Variants in METAP2 observed in about 807,000 individuals in gnomAD.
METAP2 encodes methionyl aminopeptidase 2, also known as methionine aminopeptidase 2.
In METAP2, 25 loss-of-function variants were observed where a neutral mutation model predicts 59.4. The ratio of observed to expected loss-of-function variants is 0.42; its 90% CI spans 0.31 to 0.59. METAP2 has a LOEUF of 0.59. METAP2 is among the 20% of genes least tolerant of loss of function. The pLI is 0.16. For synonymous variants in METAP2, 214 were observed against 194.1 expected, an observed-to-expected ratio of 1.10 and a Z score of -0.85; for missense variants, 366 against 581.2, an observed-to-expected ratio of 0.63 and a Z score of 3.81.
At chr12:95,504,388 A>C (rs1027100559) in intron 8 of METAP2, among the ~76,000 whole-genome samples, 1 of 152,244 alleles carries the variant, frequency 6.6e-6, no homozygotes, top group Admixed American at 6.5e-5. Flanking sequence ...ATCCTAGGGC[A>C]GCCAAAATGT....
At chr12:95,506,936 T>C (rs66967159) in intron 8 of METAP2, among the ~76,000 whole-genome samples, 13,166 of 151,724 alleles carry the variant, frequency 0.087, 804 homozygotes, top group African/African-American at 0.17. Flanking sequence ...GTGTGTGTCA[T>C]CATGCTGGCT....
chr12:95,474,173 G>A lies in METAP2; in HGVS notation c.-7G>A. The stretch of plus-strand genomic sequence containing the variant: ...CTGTCTCATTCCCTCGCGCTCTCTC[G>A]GGCAACATGGCGGGTGTGGAGGAGG... On this transcript the variant is annotated 5_prime_UTR_variant, in exon 1 of 11. Transcript: ENST00000323666. The A allele has an allele frequency of 6.2e-7, 1 of 1,613,498 alleles. No individual in the cohort carries two copies. The highest frequency in any genetic ancestry group is 8.5e-7 in the Non-Finnish European group (1 of 1,179,792).
intron 1 of METAP2, among the ~76,000 whole-genome samples, chr12:95,475,073 ACTG>A (rs1164304239): frequency 6.6e-6 from 1 of 152,202 alleles, no homozygotes; most frequent in Non-Finnish European, 1.5e-5. Flanking sequence ...GGCAAGGAGA[ACTG>A]CTGAGAGTTT....
At chr12:95,492,796 G>A (rs1446082060) in intron 4 of METAP2, among the ~76,000 whole-genome samples, 3 of 152,046 alleles carry the variant, frequency 2.0e-5, no homozygotes, top group Admixed American at 1.3e-4. Flanking sequence ...AGCCTCAAGT[G>A]ATCCTCCCAC....
intron 2 of METAP2, chr12:95,482,181 C>T: frequency 2.2e-6 from 1 of 452,978 alleles, no homozygotes; most frequent in Non-Finnish European, 4.4e-6. Context: ...TCGATCTCAG[C>T]TCACTGCAGC....
intron 3 of METAP2, among the ~76,000 whole-genome samples, chr12:95,484,087 CACA>C (rs2076178655): frequency 6.6e-6 from 1 of 152,006 alleles, no homozygotes; most frequent in South Asian, 2.1e-4. Flanking sequence ...GGTTGAGAAT[CACA>C]ACATGTAAGT....
chr12:95,505,775 A>G (rs894759547), intron 8 of METAP2, among the ~76,000 whole-genome samples: 10 of 150,708 alleles, frequency 6.6e-5, no homozygotes, highest in South Asian at 6.5e-4. Flanking sequence ...GATTACAGGC[A>G]TGAGCCACCG....
intron 8 of METAP2, 110 bp from the exon 9 acceptor site, chr12:95,511,785 G>A (rs946955373): frequency 3.0e-6 from 2 of 662,432 alleles, no homozygotes; most frequent in African/African-American, 1.8e-5. Context: ...ATTTAGTAAA[G>A]CCATACCTGG....
At position 95,474,233 on chromosome 12, in the gene METAP2, G is replaced by A; in HGVS notation, c.54G>A (p.Leu18=). 1.9e-6 allele frequency: 3 copies of A among 1,614,234 alleles called. No individual in the cohort carries two copies. Among genetic ancestry groups the A allele is most frequent in the Non-Finnish European group, 2.5e-6 (3 of 1,180,044 alleles). The change falls in exon 1 of 11, where the codon CTG becomes CTA. Residue 18 remains leucine (L), a synonymous_variant. Coordinates refer to ENST00000323666, the MANE Select transcript of METAP2 (RefSeq NM_006838.4). ...AASGSHLNGD[L]DPDDREEGAA... ...CCGGGAGCCACCTGAATGGCGACCT[G>A]GATCCAGACGACAGGGAAGAAGGAG...
At chr12:95,482,517 C>T (rs55900071) in intron 2 of METAP2, among the ~76,000 whole-genome samples, 11,551 of 151,842 alleles carry the variant, frequency 0.076, 573 homozygotes, top group African/African-American at 0.13. Flanking sequence ...CAGTGGCTCA[C>T]GCCTATAATC....
intron 4 of METAP2, among the ~76,000 whole-genome samples, chr12:95,491,727 G>T (rs1205965000): frequency 1.3e-5 from 2 of 151,272 alleles, no homozygotes; most frequent in Non-Finnish European, 3.0e-5. Flanking sequence ...GCCCAGGCTG[G>T]TCTCGAACTC....
intron 4 of METAP2, among the ~76,000 whole-genome samples, chr12:95,487,328 A>G (rs188789813): frequency 6.8e-6 from 1 of 147,632 alleles, no homozygotes; most frequent in Admixed American, 6.7e-5. Context: ...TTTTTTTTTT[A>G]AAACATAGAA....
At chr12:95,483,402 A>G (rs2076173463) in intron 3 of METAP2, 122 bp downstream of exon 3, 1 of 682,596 alleles carries the variant, frequency 1.5e-6, no homozygotes, top group Non-Finnish European at 2.5e-6. Flanking sequence ...CTGGAACCCA[A>G]GAGACGGAGA....
At chr12:95,474,428 C>A in intron 1 of METAP2, 98 bp downstream of exon 1, 1 of 1,317,726 alleles carries the variant, frequency 7.6e-7, no homozygotes, top group South Asian at 1.5e-5. Context: ...CCCAGAGCCC[C>A]GACTAGACTG....
intron 7 of METAP2, among the ~76,000 whole-genome samples, chr12:95,503,436 G>A (rs979726275): frequency 6.6e-6 from 1 of 152,180 alleles, no homozygotes; most frequent in African/African-American, 2.4e-5. Context: ...GCCATGCTGA[G>A]TGTGAGGGAG....
At chr12:95,487,591 A>AT (rs5800209) in intron 4 of METAP2, among the ~76,000 whole-genome samples, 75,697 of 141,244 alleles carry the variant, frequency 0.54, 20,205 homozygotes, top group East Asian at 0.72. Flanking sequence ...TAATCTCTTA[A>AT]TTTTTTTTTT....
rs137995425 is a variant in METAP2, at chr12:95,507,861, C to T, written c.964+3700C>T. On this transcript the variant is annotated intron_variant, in intron 8 of 10. Coordinates refer to ENST00000323666, the MANE Select transcript of METAP2 (RefSeq NM_006838.4). ...GTGCGCGATCTCGGCTCATCACAAC[C>T]TCCGCCTCCCAGGTTCAAGCAGTTC... is the stretch of plus-strand genomic sequence containing the variant. 4.2e-4 allele frequency among the ~76,000 whole-genome samples: 64 copies of T among 151,884 alleles called. No individual in the cohort carries two copies. The East Asian group carries it at 0.01, about 24-fold the overall frequency.
At chr12:95,481,360 G>T (rs2140139901) in intron 2 of METAP2, among the ~76,000 whole-genome samples, 1 of 152,290 alleles carries the variant, frequency 6.6e-6, no homozygotes, top group Non-Finnish European at 1.5e-5. Context: ...GCAGTGAGCT[G>T]TGATCCTGCC....
chr12:95,490,320 G>A (rs77356082), intron 4 of METAP2, among the ~76,000 whole-genome samples: 186 of 141,504 alleles, frequency 1.3e-3, no homozygotes, highest in African/African-American at 4.5e-3. Flanking sequence ...CTGCATTTTC[G>A]GCTGGAATAC....
Sources: gnomAD v4.1 joint callset for allele counts (sites outside exome capture counted in the v4.1 genomes callset) on GRCh38, gnomAD v4.1.1 for gene constraint, MANE v1.5 for transcripts, NCBI Gene and HGNC (gene_info 2026-07-23, HGNC 2026-07-21) for gene names.